The following CSMD1 variants were observed in gnomAD, a reference collection of about 807,000 sequenced individuals.
CSMD1 encodes CUB and Sushi multiple domains 1.
Under a neutral mutation model 417.5 loss-of-function variants are expected in CSMD1, and 213 were observed. The ratio of observed to expected loss-of-function variants is 0.51; its 90% CI spans 0.46 to 0.57. The LOEUF is 0.57. Among genes scored for constraint, CSMD1 ranks in the 20% least tolerant of loss-of-function variants. The pLI is 0.00. For missense variants in CSMD1, 6,923 were observed against 4,529.7 expected (o/e 1.53, Z -15.17); for synonymous variants, 2,862 against 1,736.8 (o/e 1.65, Z -16.11).
In CSMD1 at chr8:3,367,137, A is replaced by C. The variant is rs760269295; in HGVS notation, c.3010T>G (p.Leu1004Val). The stretch of plus-strand genomic sequence containing the variant: ...AGGCCTGCCTTGATCGTATGAGGCA[A>C]CACCGACCCGGTGAGCCTGGCAACG... ...EPVARLTGSV[L>V]PHTIKAGLFG... The change falls in exon 20 of 70, where the codon TTG (leucine) becomes GTG (valine). Residue 1004 changes from leucine to valine, a missense_variant. Physicochemically the swap from Leu to Val is conservative, Grantham distance 32 (BLOSUM62 1). Transcript: ENST00000635120. 6.2e-7 allele frequency: 1 copy of C among 1,613,786 alleles called. No homozygotes were observed. The highest frequency in any genetic ancestry group is 8.5e-7 in the Non-Finnish European group (1 of 1,179,808).
At chr8:3,818,180 G>T (rs1801504483) in intron 5 of CSMD1, among the ~76,000 whole-genome samples, 1 of 151,916 alleles carries the variant, frequency 6.6e-6, no homozygotes, top group Admixed American at 6.6e-5. Flanking sequence ...GATGCCAACT[G>T]CACACTCCCC....
At chr8:3,450,855 G>T (rs1159105592) in intron 12 of CSMD1, among the ~76,000 whole-genome samples, 2 of 151,590 alleles carry the variant, frequency 1.3e-5, no homozygotes, top group African/African-American at 4.9e-5. Context: ...GGGTCAAATG[G>T]TAATTCTAGT....
At chr8:3,178,638 G>A (rs1294218092) in intron 37 of CSMD1, among the ~76,000 whole-genome samples, 1 of 152,140 alleles carries the variant, frequency 6.6e-6, no homozygotes, top group Non-Finnish European at 1.5e-5. Flanking sequence ...TGGAAGAAAT[G>A]AGCAGACTTC....
At chr8:3,681,019 G>T (rs926940724) in intron 7 of CSMD1, among the ~76,000 whole-genome samples, 1 of 152,116 alleles carries the variant, frequency 6.6e-6, no homozygotes, top group East Asian at 1.9e-4. Flanking sequence ...CAATAAATTA[G>T]GTATTGATGG....
At chr8:3,150,945 T>C (rs970090693) in intron 40 of CSMD1, among the ~76,000 whole-genome samples, 1 of 152,084 alleles carries the variant, frequency 6.6e-6, no homozygotes, top group Admixed American at 6.6e-5. Context: ...CTGAAAACAA[T>C]GTAATATATA....
At chr8:3,988,648 G>A (rs1057270779) in intron 5 of CSMD1, among the ~76,000 whole-genome samples, 5 of 152,196 alleles carry the variant, frequency 3.3e-5, no homozygotes, top group African/African-American at 1.2e-4. Context: ...ATGTACTTCG[G>A]TCAAAATTCC....
chr8:3,065,278 GATAC>G (rs1282530809), intron 49 of CSMD1, among the ~76,000 whole-genome samples: 1,780 of 145,686 alleles, frequency 0.012, 38 homozygotes, highest in African/African-American at 0.042. Flanking sequence ...ACTGGAATAT[GATAC>G]ATAGATAGAT....
chr8:4,061,484 A>T (rs953632635), intron 3 of CSMD1, among the ~76,000 whole-genome samples: 4 of 152,208 alleles, frequency 2.6e-5, no homozygotes, highest in East Asian at 1.9e-4. Context: ...TGGCAAAAGG[A>T]GTTTAAATAA....
chr8:4,085,222 A>T (rs2130827489), intron 3 of CSMD1, among the ~76,000 whole-genome samples: 1 of 152,268 alleles, frequency 6.6e-6, no homozygotes, highest in South Asian at 2.1e-4. Flanking sequence ...GACATGAATC[A>T]TCTGATTGAT....
intron 5 of CSMD1, among the ~76,000 whole-genome samples, chr8:3,944,055 G>T (rs910225133): frequency 5.1e-4 from 77 of 152,140 alleles, no homozygotes; most frequent in African/African-American, 1.8e-3. Flanking sequence ...TCTTGTTTTT[G>T]CTCTCAACTA....
At chr8:4,409,810 T>C (rs988515177) in intron 3 of CSMD1, among the ~76,000 whole-genome samples, 4 of 152,128 alleles carry the variant, frequency 2.6e-5, no homozygotes, top group African/African-American at 9.7e-5. Flanking sequence ...AACAATACCG[T>C]ACTTTTAGTT....
At chr8:3,195,993 G>T (rs1796682413) in intron 33 of CSMD1, among the ~76,000 whole-genome samples, 1 of 152,122 alleles carries the variant, frequency 6.6e-6, no homozygotes, top group Non-Finnish European at 1.5e-5. Flanking sequence ...AGGAGGTCAG[G>T]TGTTCTAAGT....
chr8:3,800,969 A>T lies in CSMD1; in HGVS notation c.819-46927T>A, dbSNP rs186778893. ...AATATTCCTTTTATCACAACACAAA[A>T]CAGACTAAGACAATTTAAATTTCAT... On this transcript the variant is annotated intron_variant, in intron 5 of 69. Coordinates refer to ENST00000635120, the MANE Select transcript of CSMD1 (RefSeq NM_033225.6). Among the ~76,000 whole-genome samples, 831 of 152,230 alleles carry T rather than the reference A, an allele frequency of 5.5e-3. 7 individuals carry two copies. The highest frequency in any genetic ancestry group is 0.01 in the Middle Eastern group (3 of 294).
intron 12 of CSMD1, among the ~76,000 whole-genome samples, chr8:3,429,699 CTT>C (rs763207803): frequency 3.9e-5 from 6 of 152,166 alleles, no homozygotes; most frequent in Non-Finnish European, 7.4e-5. Flanking sequence ...TAAAGTATAA[CTT>C]AATGAAATGG....
chr8:3,258,102 G>A lies in CSMD1; in HGVS notation c.4153+26042C>T, dbSNP rs182184156. On this transcript the variant is annotated intron_variant, in intron 26 of 69. Coordinates refer to ENST00000635120, the MANE Select transcript of CSMD1 (RefSeq NM_033225.6). ...TATAGGTATGTCCAATAAGGTTTCT[G>A]GATGGGCTGCATGTGGGATATGAAA... 7.5e-4 allele frequency among the ~76,000 whole-genome samples: 114 copies of A among 152,250 alleles called. 1 individual carries two copies. The highest frequency in any genetic ancestry group is 1.7e-3 in the South Asian group (8 of 4,826).
At chr8:3,078,124 T>C (rs1813822117) in intron 49 of CSMD1, among the ~76,000 whole-genome samples, 1 of 152,364 alleles carries the variant, frequency 6.6e-6, no homozygotes, top group African/African-American at 2.4e-5. Context: ...AGTTGATCTC[T>C]ATTAGCCACT....
chr8:3,724,660 C>T (rs182441827), intron 6 of CSMD1, among the ~76,000 whole-genome samples: 23 of 152,136 alleles, frequency 1.5e-4, no homozygotes, highest in East Asian at 9.7e-4. Context: ...TGGGCTCAAC[C>T]ATGAGAATTC....
In CSMD1 at chr8:3,427,056, T is replaced by G. The variant is rs7819698; in HGVS notation, c.1562-17451A>C. Among the ~76,000 whole-genome samples, 614 of 152,232 alleles carry G rather than the reference T, an allele frequency of 4.0e-3. 1 individual carries two copies. The highest frequency in any genetic ancestry group is 0.014 in the African/African-American group (571 of 41,546). ...ACCAACACATCTCATGAGAACTCAC[T>G]CACTATCACGACAGCAGCATAGTGG... On this transcript the variant is annotated intron_variant, in intron 12 of 69. Coordinates refer to ENST00000635120, the MANE Select transcript of CSMD1 (RefSeq NM_033225.6).
chr8:3,994,906 GATT>G (rs1174589260), intron 5 of CSMD1, among the ~76,000 whole-genome samples: 3 of 152,010 alleles, frequency 2.0e-5, no homozygotes, highest in Non-Finnish European at 4.4e-5. Context: ...TTTAAAAATA[GATT>G]ATTGGAAGAT....
Sources: gnomAD v4.1 joint callset for allele counts (sites outside exome capture counted in the v4.1 genomes callset) on GRCh38, gnomAD v4.1.1 for gene constraint, MANE v1.5 for transcripts, NCBI Gene and HGNC (gene_info 2026-07-23, HGNC 2026-07-21) for gene names.